The following MYO16 variants were observed in gnomAD, a reference collection of about 807,000 sequenced individuals.
MYO16 encodes the protein unconventional myosin-XVI.
MYO16 carries 94 observed loss-of-function variants against 205.3 expected under a neutral mutation model. That is an observed-to-expected ratio of 0.46 (90% CI 0.39 to 0.54). The LOEUF (loss-of-function observed/expected upper bound fraction) is 0.54. Among genes scored for constraint, MYO16 ranks in the 20% least tolerant of loss-of-function variants. The pLI, the probability that MYO16 is intolerant of heterozygous loss-of-function variation, is 0.00. For missense variants in MYO16, 2,315 were observed against 2,387.5 expected (o/e 0.97, Z 0.63); for synonymous variants, 988 against 954.0 (o/e 1.04, Z -0.66).
intron 16 of MYO16, among the ~76,000 whole-genome samples, chr13:108,919,791 C>T (rs1298155538): frequency 6.6e-6 from 1 of 152,132 alleles, no homozygotes; most frequent in Non-Finnish European, 1.5e-5. Flanking sequence ...ATTTCAAATT[C>T]CCAAAAGTTC....
At chr13:108,786,881 G>A (rs543361558) in intron 5 of MYO16, among the ~76,000 whole-genome samples, 98 of 152,340 alleles carry the variant, frequency 6.4e-4, no homozygotes, top group African/African-American at 2.3e-3. Flanking sequence ...TCACCTGTGG[G>A]AACGCTCACT....
intron 20 of MYO16, among the ~76,000 whole-genome samples, chr13:108,986,594 C>T (rs1240203308): frequency 7.3e-6 from 1 of 137,734 alleles, no homozygotes; most frequent in Non-Finnish European, 1.5e-5. Flanking sequence ...TGCACTCCAG[C>T]CTGGGCAACA....
intron 23 of MYO16, among the ~76,000 whole-genome samples, chr13:109,028,242 CATATA>C (rs1276199283): frequency 2.8e-5 from 4 of 145,246 alleles, no homozygotes; most frequent in Non-Finnish European, 4.5e-5. Context: ...AATATATAAA[CATATA>C]ATATAAAAAA....
At chr13:109,176,322 C>T (rs2139906368) in intron 33 of MYO16, among the ~76,000 whole-genome samples, 1 of 151,650 alleles carries the variant, frequency 6.6e-6, no homozygotes, top group East Asian at 1.9e-4. Flanking sequence ...TTTTTAATAT[C>T]TGGGATCTGT....
At chr13:109,149,322 G>A (rs572830698) in intron 32 of MYO16, among the ~76,000 whole-genome samples, 5 of 152,252 alleles carry the variant, frequency 3.3e-5, no homozygotes, top group East Asian at 1.9e-4. Context: ...GCACATTGAC[G>A]TCTCCTTTCT....
intron 2 of MYO16, among the ~76,000 whole-genome samples, chr13:108,709,919 A>G (rs1433768785): frequency 7.4e-6 from 1 of 134,292 alleles, no homozygotes; most frequent in East Asian, 2.2e-4. Context: ...CAGCCCTCTC[A>G]AAAAAACTGT....
chr13:109,042,037 G>T (rs1259434244), intron 23 of MYO16, among the ~76,000 whole-genome samples: 1 of 151,940 alleles, frequency 6.6e-6, no homozygotes, highest in Non-Finnish European at 1.5e-5. Context: ...GCTAGTTTTT[G>T]TATTTTTAGT....
intron 33 of MYO16, among the ~76,000 whole-genome samples, chr13:109,175,219 C>T (rs1050009485): frequency 6.6e-5 from 10 of 152,178 alleles, no homozygotes; most frequent in African/African-American, 2.4e-4. Flanking sequence ...AAAGCCATTC[C>T]TCTTTGTGTC....
chr13:108,503,086 G>T, the MYO16 span, among the ~76,000 whole-genome samples: 1 of 152,154 alleles, frequency 6.6e-6, no homozygotes, highest in Non-Finnish European at 1.5e-5. Flanking sequence ...TAAAGCTATA[G>T]ATATATAAGC....
intron 5 of MYO16, among the ~76,000 whole-genome samples, chr13:108,790,625 C>CGA (rs1381143678): frequency 6.6e-6 from 1 of 152,170 alleles, no homozygotes; most frequent in East Asian, 1.9e-4. Context: ...TGTTTGACAA[C>CGA]GAAGAGAGGG....
rs1333223599 is a variant in MYO16, at chr13:108,910,092, G to A, written c.1867G>A (p.Asp623Asn). 2 of 1,613,378 alleles carry A rather than the reference G, an allele frequency of 1.2e-6. No homozygotes were observed. The highest frequency in any genetic ancestry group is 1.1e-5 in the South Asian group (1 of 91,062). Residue 623 changes from aspartate to asparagine, a missense_variant, in exon 16 of 35, where the codon GAT (aspartate) becomes AAT (asparagine). By Grantham distance (23) the Asp-to-Asn change is conservative. Around this residue, in one of 3 missense-constraint regions of MYO16, gnomAD observed 1,213 missense variants for 1,274.4 expected, o/e 0.95. Coordinates refer to ENST00000457511, the MANE Select transcript of MYO16 (RefSeq NM_001198950.3). Reference sequence around the variant, plus strand: ...TTTTCTCATTTTCTACTTGTTGATGGATGGGTTATCTGCTGAAGAAAAATA... The same window carrying A: ...TTTTCTCATTTTCTACTTGTTGATGAATGGGTTATCTGCTGAAGAAAAATA... ...SNFLIFYLLM[D>N]GLSAEEKYGL...
intron 27 of MYO16, among the ~76,000 whole-genome samples, chr13:109,092,652 AG>A (rs1438503106): frequency 6.6e-6 from 1 of 152,210 alleles, no homozygotes; most frequent in African/African-American, 2.4e-5. Flanking sequence ...ATGAAATAAT[AG>A]GTACAACAAA....
At chr13:108,801,354 G>A (rs960164828) in intron 6 of MYO16, among the ~76,000 whole-genome samples, 8 of 152,190 alleles carry the variant, frequency 5.3e-5, no homozygotes, top group Admixed American at 3.9e-4. Flanking sequence ...TACACTGCTG[G>A]ACTGTAGGTG....
At chr13:108,586,781 T>G in the MYO16 span, among the ~76,000 whole-genome samples, 1 of 152,362 alleles carries the variant, frequency 6.6e-6, no homozygotes, top group East Asian at 1.9e-4. Context: ...CAGCTTCTTC[T>G]CCAGCTTGTC....
intron 33 of MYO16, among the ~76,000 whole-genome samples, chr13:109,177,751 A>G (rs1879273709): frequency 6.6e-6 from 1 of 152,172 alleles, no homozygotes; most frequent in Admixed American, 6.5e-5. Context: ...TCCTGACCTC[A>G]GGTGATCCGC....
chr13:109,115,070 A>G (rs138485550), intron 28 of MYO16, among the ~76,000 whole-genome samples: 6 of 152,048 alleles, frequency 3.9e-5, no homozygotes, highest in African/African-American at 1.2e-4. Context: ...TGTAAATGCT[A>G]TTTCAAAAGT....
chr13:108,868,127 A>G (rs1486236405), intron 12 of MYO16, among the ~76,000 whole-genome samples: 1 of 151,706 alleles, frequency 6.6e-6, no homozygotes, highest in Non-Finnish European at 1.5e-5. Context: ...CATCCTCACA[A>G]TTTTTTTTTG....
intron 22 of MYO16, among the ~76,000 whole-genome samples, chr13:109,009,431 A>T (rs1885516824): frequency 6.6e-6 from 1 of 152,182 alleles, no homozygotes; most frequent in South Asian, 2.1e-4. Context: ...TTTATCTTCA[A>T]AGTTTCTAAG....
chr13:109,029,705 G>A (rs924063341), intron 23 of MYO16, among the ~76,000 whole-genome samples: 3 of 152,108 alleles, frequency 2.0e-5, no homozygotes, highest in African/African-American at 7.2e-5. Context: ...ATTTACATCT[G>A]TATTTGTTCA....
Sources: gnomAD v4.1 joint callset for allele counts (sites outside exome capture counted in the v4.1 genomes callset) on GRCh38, gnomAD v4.1.1 for gene constraint, gnomAD v4.1.1 regional missense constraint, MANE v1.5 for transcripts, NCBI Gene and HGNC (gene_info 2026-07-23, HGNC 2026-07-21) for gene names.